Variants in NSD1 observed in about 807,000 individuals in gnomAD.
The protein encoded by NSD1 is histone-lysine N-methyltransferase, H3 lysine-36 specific.
NSD1 carries 26 observed loss-of-function variants against 242.7 expected under a neutral mutation model. The observed-to-expected ratio is 0.11, with a 90% confidence interval of 0.08 to 0.15. The LOEUF is 0.15. Ranked by LOEUF, NSD1 falls within the 10% of genes least tolerant of loss-of-function variation. NSD1 has a pLI of 1.00. For synonymous variants in NSD1, 1,106 were observed against 1,178.1 expected, an observed-to-expected ratio of 0.94 and a Z score of 1.25; for missense variants, 2,495 against 3,272.8, an observed-to-expected ratio of 0.76 and a Z score of 5.80.
intron 14 of NSD1, among the ~76,000 whole-genome samples, chr5:177,267,054 C>T (rs1757548227): frequency 6.6e-6 from 1 of 152,154 alleles, no homozygotes; most frequent in South Asian, 2.1e-4. Flanking sequence ...TAGGGGGTTT[C>T]GCCCTGTTGG....
Position 177,211,527 on chromosome 5 carries a change from T to G in NSD1, c.3128T>G (p.Val1043Gly). Residue 1043 changes from valine (V) to glycine (G), a missense_variant, in exon 5 of 23, where the codon GTG becomes GGG. This residue lies in a region of NSD1 where 426 missense variants were observed against 411.4 expected (regional missense o/e 1.04). Coordinates refer to ENST00000439151, the MANE Select transcript of NSD1 (RefSeq NM_022455.5). ...AFSAQMVKNT[V>G]NRKALKTERK... ...TCAGCCCAAATGGTAAAGAACACAG[T>G]GAACCGTAAAGCCTTAAAGACCGAG... is the stretch of plus-strand genomic sequence containing the variant. The G allele has an allele frequency of 1.2e-6, 2 of 1,614,072 alleles. No homozygotes were observed. Among genetic ancestry groups the G allele is most frequent in the Non-Finnish European group, 1.7e-6 (2 of 1,180,014 alleles).
intron 2 of NSD1, among the ~76,000 whole-genome samples, chr5:177,186,008 AT>A: frequency 1.0e-5 from 1 of 97,484 alleles, no homozygotes. Context: ...TATAATTTAT[AT>A]TATATATTAT....
chr5:177,267,817 A>G, intron 15 of NSD1, 99 bp downstream of exon 15: 1 of 1,147,586 alleles, frequency 8.7e-7, no homozygotes. Flanking sequence ...CTACTTAATT[A>G]CTCATGGTAC....
At chr5:177,136,330 A>T (rs972191046) in intron 2 of NSD1, 24 of 129,940 alleles carry the variant, frequency 1.8e-4, no homozygotes, top group East Asian at 4.0e-4. Context: ...ATATATGATT[A>T]AAAAAAAAAA....
intron 14 of NSD1, chr5:177,265,187 C>G (rs1757319856): frequency 1.3e-6 from 1 of 774,602 alleles, no homozygotes; most frequent in African/African-American, 1.7e-5. Context: ...TTGTGAGAAC[C>G]AATGGGAAGG....
At chr5:177,281,410 A>G (rs1299551810) in intron 18 of NSD1, among the ~76,000 whole-genome samples, 1 of 150,202 alleles carries the variant, frequency 6.7e-6, no homozygotes. Context: ...CAGGAAATGT[A>G]GTGTATATGG....
intron 4 of NSD1, among the ~76,000 whole-genome samples, chr5:177,209,369 A>G (rs1311750805): frequency 1.3e-5 from 2 of 151,708 alleles, no homozygotes; most frequent in Non-Finnish European, 1.5e-5. Flanking sequence ...TTCTACTGAA[A>G]ATACAAAAAA....
At chr5:177,159,038 T>C (rs1167978918) in intron 2 of NSD1, among the ~76,000 whole-genome samples, 1 of 144,190 alleles carries the variant, frequency 6.9e-6, no homozygotes, top group Non-Finnish European at 1.5e-5. Flanking sequence ...ATGATATATA[T>C]ATATATATAT....
At chr5:177,157,492 A>G (rs1354933181) in intron 2 of NSD1, among the ~76,000 whole-genome samples, 2 of 152,018 alleles carry the variant, frequency 1.3e-5, no homozygotes, top group Non-Finnish European at 2.9e-5. Flanking sequence ...GAGGTCAGGG[A>G]GTTTGAGACC....
rs1760286024 is a variant in NSD1 at position 177,296,823 on chromosome 5, AG to A, written c.*1365del. The A allele has an allele frequency of 4.3e-6, 1 of 233,216 alleles. No individual in the cohort carries two copies. The highest frequency in any genetic ancestry group is 8.5e-6 in the Non-Finnish European group (1 of 118,090). 14.4% of individuals were successfully genotyped at this position (233,216 alleles called of 1,614,324 possible). On this transcript the variant is annotated 3_prime_UTR_variant, in exon 23 of 23. Coordinates refer to ENST00000439151, the MANE Select transcript of NSD1 (RefSeq NM_022455.5). ...CCCAGCTCACAGACTGCCAACAGGA[AG>A]TGCTGTTTGGCTAGTTTCCTCCCAC...
chr5:177,225,764 A>C (rs1764587680), intron 5 of NSD1, among the ~76,000 whole-genome samples: 1 of 152,142 alleles, frequency 6.6e-6, no homozygotes, highest in Non-Finnish European at 1.5e-5. Flanking sequence ...TTTTCATATA[A>C]TTTTATTTTT....
intron 3 of NSD1, among the ~76,000 whole-genome samples, chr5:177,193,887 C>T (rs1761896092): frequency 6.6e-6 from 1 of 152,204 alleles, no homozygotes; most frequent in South Asian, 2.1e-4. Context: ...CAATTCTCCT[C>T]CTGCCTCAGC....
intron 17 of NSD1, among the ~76,000 whole-genome samples, chr5:177,279,610 ATTTTTTTTTTTTTTT>A (rs536478404): frequency 5.2e-5 from 5 of 95,416 alleles, no homozygotes; most frequent in East Asian, 3.3e-4. Context: ...AGCTTTGAAA[ATTTTTTTTTTTTTTT>A]TTTTTTTTTT....
intron 2 of NSD1, among the ~76,000 whole-genome samples, chr5:177,185,750 TA>T (rs1312902391): frequency 2.0e-5 from 2 of 101,284 alleles, no homozygotes; most frequent in African/African-American, 4.1e-5. Flanking sequence ...ATATATTATA[TA>T]TAATATATTT....
At position 177,249,452 on chromosome 5, in the gene NSD1, A is replaced by T. The variant is rs531001422; in HGVS notation, c.4641+1128A>T. On this transcript the variant is annotated intron_variant, in intron 11 of 22. Transcript: ENST00000439151. ...AGTTTTTCTTTTTTCTTTTTTATTA[A>T]TTAATTATTTATTTATTTATTTATT... is the stretch of plus-strand genomic sequence containing the variant. Among the ~76,000 whole-genome samples the T allele has an allele frequency of 1.0e-3, 150 of 150,512 alleles. 1 individual carries two copies. The highest frequency in any genetic ancestry group is 3.6e-3 in the African/African-American group (148 of 41,392).
chr5:177,150,532 T>A (rs950584009), intron 2 of NSD1, among the ~76,000 whole-genome samples: 1 of 152,206 alleles, frequency 6.6e-6, no homozygotes, highest in African/African-American at 2.4e-5. Flanking sequence ...AACACAAATT[T>A]TAGTGTTTTT....
intron 2 of NSD1, among the ~76,000 whole-genome samples, chr5:177,139,240 A>G (rs889585835): frequency 4.7e-5 from 7 of 148,632 alleles, no homozygotes; most frequent in African/African-American, 1.7e-4. Context: ...AACAAGAGCG[A>G]AACTCCCTCT....
chr5:177,218,387 T>C (rs1763950983), intron 5 of NSD1, among the ~76,000 whole-genome samples: 1 of 152,154 alleles, frequency 6.6e-6, no homozygotes, highest in Admixed American at 6.6e-5. Context: ...GAGTGCTTTC[T>C]TTTCAGTCAT....
rs1291612214 is a variant in NSD1 at position 177,297,776 on chromosome 5, G to C, written c.*2317G>C. Reference sequence around the variant, plus strand: ...AGGTAATCAACTTGACAGCAGTCTAGATGTCTCACAGGACAGGAGGGAGTG... The same window carrying C: ...AGGTAATCAACTTGACAGCAGTCTACATGTCTCACAGGACAGGAGGGAGTG... On this transcript the variant is annotated 3_prime_UTR_variant, in exon 23 of 23. Coordinates refer to ENST00000439151, the MANE Select transcript of NSD1 (RefSeq NM_022455.5). The C allele has an allele frequency of 1.3e-5, 3 of 233,026 alleles. No individual in the cohort carries two copies. The highest frequency in any genetic ancestry group is 4.4e-5 in the African/African-American group (2 of 45,316). The allele number at this position is 233,026 out of a possible 1,614,324, so 14.4% of individuals were successfully genotyped here.
Sources: allele counts gnomAD v4.1 joint callset (sites outside exome capture counted in the v4.1 genomes callset), GRCh38; gene constraint gnomAD v4.1.1; regional missense constraint gnomAD v4.1.1; transcripts MANE v1.5; gene names NCBI Gene and HGNC (gene_info 2026-07-23, HGNC 2026-07-21).